Variants in LRRTM3 observed in about 807,000 individuals in gnomAD.
LRRTM3 encodes the protein leucine-rich repeat transmembrane neuronal protein 3.
LRRTM3 carries 24 observed loss-of-function variants against 44.7 expected under a neutral mutation model. The ratio of observed to expected loss-of-function variants is 0.54; its 90% CI spans 0.39 to 0.76. The LOEUF is 0.76. LRRTM3 is among the 30% of genes least tolerant of loss of function. The pLI, the probability that LRRTM3 is intolerant of heterozygous loss-of-function variation, is 0.00. For missense variants in LRRTM3, 587 were observed against 702.2 expected, an observed-to-expected ratio of 0.84 and a Z score of 1.85; for synonymous variants, 277 against 278.7, an observed-to-expected ratio of 0.99 and a Z score of 0.06.
At chr10:66,942,828 ACAATAT>A (rs1306908745) in intron 2 of LRRTM3, among the ~76,000 whole-genome samples, 2 of 152,326 alleles carry the variant, frequency 1.3e-5, no homozygotes, top group African/African-American at 4.8e-5. Context: ...GGAAGAAAAC[ACAATAT>A]CAATATTTAT....
At chr10:67,016,897 T>C (rs769816540) in intron 2 of LRRTM3, among the ~76,000 whole-genome samples, 12 of 152,216 alleles carry the variant, frequency 7.9e-5, no homozygotes, top group Non-Finnish European at 1.8e-4. Flanking sequence ...ACGAATATTT[T>C]ATATCCTATC....
At chr10:66,980,565 T>TTCTGTTTCCCAAGCAAAA (rs1564809959) in intron 2 of LRRTM3, among the ~76,000 whole-genome samples, 8 of 152,088 alleles carry the variant, frequency 5.3e-5, no homozygotes, top group Non-Finnish European at 7.4e-5. Flanking sequence ...GAGACCTTCC[T>TTCTGTTTCCCAAGCAAAA]ACCCACCTGT....
chr10:66,957,415 CATATATAT>C (rs549686922), intron 2 of LRRTM3, among the ~76,000 whole-genome samples: 1 of 32,526 alleles, frequency 3.1e-5, no homozygotes, highest in Admixed American at 2.8e-4. Flanking sequence ...TATATATATG[CATATATAT>C]ATATGCATAT....
At chr10:67,024,189 C>G (rs905875491) in intron 2 of LRRTM3, among the ~76,000 whole-genome samples, 2 of 152,156 alleles carry the variant, frequency 1.3e-5, no homozygotes, top group African/African-American at 4.8e-5. Context: ...CTCCTTGGCT[C>G]CTGGATCCTT....
intron 2 of LRRTM3, among the ~76,000 whole-genome samples, chr10:66,929,219 C>A (rs1847236645): frequency 6.6e-6 from 1 of 152,208 alleles, no homozygotes; most frequent in South Asian, 2.1e-4. Flanking sequence ...TTTCTTCTAG[C>A]CTGTATGTTT....
At chr10:66,973,189 T>C (rs1166851337) in intron 2 of LRRTM3, among the ~76,000 whole-genome samples, 1 of 152,188 alleles carries the variant, frequency 6.6e-6, no homozygotes, top group African/African-American at 2.4e-5. Context: ...TGAAAAATAA[T>C]TTTAAATCTC....
At chr10:66,949,319 G>T (rs1848421343) in intron 2 of LRRTM3, among the ~76,000 whole-genome samples, 1 of 152,160 alleles carries the variant, frequency 6.6e-6, no homozygotes, top group South Asian at 2.1e-4. Context: ...CACTTTGGGA[G>T]GCCGAGGCAG....
chr10:66,944,303 T>C (rs1009603909), intron 2 of LRRTM3, among the ~76,000 whole-genome samples: 1 of 152,172 alleles, frequency 6.6e-6, no homozygotes, highest in Non-Finnish European at 1.5e-5. Context: ...ACTTTCTCTG[T>C]TCATCCATAA....
At chr10:67,014,533 T>G (rs1190194994) in intron 2 of LRRTM3, among the ~76,000 whole-genome samples, 1 of 152,194 alleles carries the variant, frequency 6.6e-6, no homozygotes, top group Non-Finnish European at 1.5e-5. Context: ...GAGAAGATAC[T>G]GTTCCTATGA....
At chr10:67,008,502 T>C (rs903190896) in intron 2 of LRRTM3, among the ~76,000 whole-genome samples, 2 of 152,188 alleles carry the variant, frequency 1.3e-5, no homozygotes, top group Non-Finnish European at 2.9e-5. Context: ...TATTCAATTT[T>C]TTTTTACTTA....
intron 2 of LRRTM3, among the ~76,000 whole-genome samples, chr10:67,025,379 C>T (rs993028803): frequency 9.2e-5 from 14 of 151,486 alleles, no homozygotes; most frequent in Admixed American, 7.9e-4. Context: ...TTTGTAAAGG[C>T]CACATATCCA....
intron 2 of LRRTM3, among the ~76,000 whole-genome samples, chr10:66,948,843 T>C (rs547724144): frequency 6.6e-6 from 1 of 152,286 alleles, no homozygotes; most frequent in South Asian, 2.1e-4. Flanking sequence ...CAGTCCAATA[T>C]AATACTTCAG....
At chr10:67,096,267 AC>A (rs1229585592) in intron 2 of LRRTM3, among the ~76,000 whole-genome samples, 1 of 151,854 alleles carries the variant, frequency 6.6e-6, no homozygotes, top group African/African-American at 2.4e-5. Context: ...AGGAATTTTC[AC>A]TGAAGTAGAA....
At chr10:67,010,794 A>G (rs2133035740) in intron 2 of LRRTM3, among the ~76,000 whole-genome samples, 1 of 152,352 alleles carries the variant, frequency 6.6e-6, no homozygotes, top group East Asian at 1.9e-4. Flanking sequence ...GGATTTGAGC[A>G]TATCCATATT....
At chr10:67,014,168 C>T (rs1331097776) in intron 2 of LRRTM3, among the ~76,000 whole-genome samples, 1 of 152,174 alleles carries the variant, frequency 6.6e-6, no homozygotes, top group Admixed American at 6.5e-5. Context: ...TATTTCTTTT[C>T]CTACCATTCT....
chr10:67,021,400 T>A (rs772020469), intron 2 of LRRTM3, among the ~76,000 whole-genome samples: 41 of 152,242 alleles, frequency 2.7e-4, no homozygotes, highest in Non-Finnish European at 4.4e-4. Context: ...TTTGATATTT[T>A]AAAAGTCATA....
chr10:66,996,570 C>T (rs1194829156), intron 2 of LRRTM3, among the ~76,000 whole-genome samples: 1 of 141,966 alleles, frequency 7.0e-6, no homozygotes, highest in African/African-American at 2.6e-5. Flanking sequence ...ATTGCTTGAA[C>T]CCAGCAGGTA....
chr10:66,965,536 A>G (rs1194300713), intron 2 of LRRTM3, among the ~76,000 whole-genome samples: 3 of 142,708 alleles, frequency 2.1e-5, no homozygotes, highest in African/African-American at 7.8e-5. Context: ...TCCGTCTCAA[A>G]AAAGAAAGAA....
At chr10:67,065,531 C>G (rs1856022392) in intron 2 of LRRTM3, among the ~76,000 whole-genome samples, 1 of 151,996 alleles carries the variant, frequency 6.6e-6, no homozygotes, top group Non-Finnish European at 1.5e-5. Context: ...TCTTCCTGGG[C>G]CCACAGGAAG....
Sources: allele counts gnomAD v4.1 joint callset (sites outside exome capture counted in the v4.1 genomes callset), GRCh38; gene constraint gnomAD v4.1.1; transcripts MANE v1.5; gene names NCBI Gene and HGNC (gene_info 2026-07-23, HGNC 2026-07-21).